Variants in PTPRM observed in about 807,000 individuals in gnomAD.
The protein encoded by PTPRM is receptor-type tyrosine-protein phosphatase mu.
In PTPRM, 47 loss-of-function variants were observed where a neutral mutation model predicts 186.7. That is an observed-to-expected ratio of 0.25 (90% CI 0.20 to 0.32). The LOEUF is 0.32. Ranked by LOEUF, PTPRM falls within the 10% of genes least tolerant of loss-of-function variation. PTPRM has a pLI of 1.00. For synonymous variants in PTPRM, 668 were observed against 674.9 expected (o/e 0.99, Z 0.16); for missense variants, 1,494 against 1,865.0 (o/e 0.80, Z 3.66).
chr18:7,664,667 G>A (rs1307763204), intron 1 of PTPRM, among the ~76,000 whole-genome samples: 1 of 152,160 alleles, frequency 6.6e-6, no homozygotes, highest in Non-Finnish European at 1.5e-5. Flanking sequence ...GGGAGATCCA[G>A]GCAGAGCTGC....
At chr18:7,785,519 ATTAC>A (rs2043058936) in intron 2 of PTPRM, among the ~76,000 whole-genome samples, 1 of 152,202 alleles carries the variant, frequency 6.6e-6, no homozygotes, top group East Asian at 1.9e-4. Context: ...GTGTGCGTTT[ATTAC>A]TTAATTTTTC....
At chr18:7,975,453 C>T (rs2054865925) in intron 7 of PTPRM, among the ~76,000 whole-genome samples, 1 of 152,130 alleles carries the variant, frequency 6.6e-6, no homozygotes, top group South Asian at 2.1e-4. Flanking sequence ...CATGAAGAGA[C>T]ACAGAGGAAA....
At chr18:7,756,925 G>A (rs547804341) in intron 1 of PTPRM, among the ~76,000 whole-genome samples, 2 of 152,310 alleles carry the variant, frequency 1.3e-5, no homozygotes, top group East Asian at 3.9e-4. Context: ...CCTGCCCAGT[G>A]TGGACCCCAG....
chr18:8,258,697 TAAAG>T (rs1013243359), intron 19 of PTPRM, among the ~76,000 whole-genome samples: 1 of 152,054 alleles, frequency 6.6e-6, no homozygotes, highest in Non-Finnish European at 1.5e-5. Context: ...AAAATTAAGA[TAAAG>T]AAAGGATGTC....
At chr18:8,092,076 G>A (rs1320910641) in intron 11 of PTPRM, among the ~76,000 whole-genome samples, 2 of 151,506 alleles carry the variant, frequency 1.3e-5, no homozygotes, top group African/African-American at 2.4e-5. Flanking sequence ...TTTTTAATCC[G>A]TATTCATTGA....
At chr18:8,096,142 G>A (rs1304566858) in intron 11 of PTPRM, among the ~76,000 whole-genome samples, 1 of 152,182 alleles carries the variant, frequency 6.6e-6, no homozygotes, top group East Asian at 1.9e-4. Flanking sequence ...GGCACCTCTG[G>A]TTACTAAAAG....
chr18:7,701,606 T>C (rs2039968881), intron 1 of PTPRM, among the ~76,000 whole-genome samples: 2 of 151,894 alleles, frequency 1.3e-5, no homozygotes, highest in Admixed American at 6.6e-5. Flanking sequence ...TCAAAAAATA[T>C]ATATATAATA....
chr18:7,713,850 A>G (rs1379526573), intron 1 of PTPRM, among the ~76,000 whole-genome samples: 2 of 152,162 alleles, frequency 1.3e-5, no homozygotes, highest in Admixed American at 6.5e-5. Flanking sequence ...TATGCACCCA[A>G]TACAGGAGCA....
chr18:7,694,873 TA>T (rs1160844693), intron 1 of PTPRM, among the ~76,000 whole-genome samples: 1 of 151,856 alleles, frequency 6.6e-6, no homozygotes, highest in Admixed American at 6.6e-5. Flanking sequence ...AAATTGAAGT[TA>T]AAAAAAAGTA....
chr18:7,874,130 C>G (rs535621510), intron 2 of PTPRM, among the ~76,000 whole-genome samples: 1 of 151,690 alleles, frequency 6.6e-6, no homozygotes, highest in Non-Finnish European at 1.5e-5. Flanking sequence ...AAAAAAAATC[C>G]CTTCGTATAT....
At chr18:8,257,116 C>T (rs1334946407) in intron 19 of PTPRM, among the ~76,000 whole-genome samples, 7 of 152,206 alleles carry the variant, frequency 4.6e-5, no homozygotes, top group Admixed American at 1.3e-4. Context: ...CGCAGGCATA[C>T]TCTGAAGGCC....
intron 31 of PTPRM, among the ~76,000 whole-genome samples, chr18:8,390,071 C>T (rs540015936): frequency 2.6e-4 from 40 of 152,300 alleles, no homozygotes; most frequent in South Asian, 4.1e-4. Context: ...GTATTAGGTG[C>T]AAAGCTGATA....
rs141596728 is a variant in PTPRM, at chr18:7,744,997, T to C, written c.74-29152T>C. Among the ~76,000 whole-genome samples, 303 of 152,218 alleles carry C rather than the reference T, an allele frequency of 2.0e-3. 3 individuals carry two copies. Among genetic ancestry groups the C allele is most frequent in the Middle Eastern group, 0.017 (5 of 294 alleles). On this transcript the variant is annotated intron_variant, in intron 1 of 32. Coordinates refer to ENST00000580170, the MANE Select transcript of PTPRM (RefSeq NM_001105244.2). ...AAGGATGAAATCAAAGGAATAATAA[T>C]AGTGGTCAAGAAAATCACCTCTAAC...
intron 1 of PTPRM, among the ~76,000 whole-genome samples, chr18:7,763,543 G>A (rs763306641): frequency 2.4e-4 from 36 of 152,148 alleles, no homozygotes; most frequent in South Asian, 2.1e-4. Flanking sequence ...TCAGTTCTAT[G>A]ATCCCAATTA....
chr18:7,807,472 A>G (rs1487520545), intron 2 of PTPRM, among the ~76,000 whole-genome samples: 1 of 152,196 alleles, frequency 6.6e-6, no homozygotes, highest in Non-Finnish European at 1.5e-5. Flanking sequence ...AAGTTCTTCT[A>G]TTTATCCAAC....
At chr18:8,372,945 C>CT (rs372308846) in intron 24 of PTPRM, among the ~76,000 whole-genome samples, 3,735 of 151,178 alleles carry the variant, frequency 0.025, 67 homozygotes, top group African/African-American at 0.049. Flanking sequence ...TTTCTTTCCT[C>CT]TTTTTTTTTA....
intron 19 of PTPRM, among the ~76,000 whole-genome samples, chr18:8,276,169 C>G (rs1022018898): frequency 4.6e-5 from 7 of 152,050 alleles, no homozygotes; most frequent in African/African-American, 1.7e-4. Flanking sequence ...ACCCATCCAT[C>G]CCTCACTGTT....
intron 1 of PTPRM, among the ~76,000 whole-genome samples, chr18:7,651,681 G>T (rs2038708592): frequency 6.6e-6 from 1 of 152,046 alleles, no homozygotes; most frequent in South Asian, 2.1e-4. Context: ...AATGGTGCTG[G>T]GAAAACTGGC....
Position 8,314,841 on chromosome 18 carries a change from A to G in PTPRM, c.2903A>G (p.Asn968Ser). 1 of 1,598,444 alleles carries G rather than the reference A, an allele frequency of 6.3e-7. No individual in the cohort carries two copies. Among genetic ancestry groups the G allele is most frequent in the Non-Finnish European group, 8.6e-7 (1 of 1,166,806 alleles). ...GGAGACACAAACTCAGACTATATCA[A>G]TGGCAATTATATCGATGTATGTATT... is the stretch of plus-strand genomic sequence containing the variant. Reference protein sequence around the residue: ...IEGDTNSDYINGNYIDGYHRP... With the variant: ...IEGDTNSDYISGNYIDGYHRP... The change falls in exon 21 of 33, where the codon AAT (asparagine) becomes AGT (serine). Residue 968 changes from asparagine (N) to serine (S), a missense_variant. Coordinates refer to ENST00000580170, the MANE Select transcript of PTPRM (RefSeq NM_001105244.2).
Sources: gnomAD v4.1 joint callset for allele counts (sites outside exome capture counted in the v4.1 genomes callset) on GRCh38, gnomAD v4.1.1 for gene constraint, MANE v1.5 for transcripts, NCBI Gene and HGNC (gene_info 2026-07-23, HGNC 2026-07-21) for gene names.